The following LRAT variants were observed in gnomAD, a reference collection of about 807,000 sequenced individuals.
LRAT encodes lecithin retinol acyltransferase (phosphatidylcholine--retinol O-acyltransferase).
LRAT carries 11 observed loss-of-function variants against 14.2 expected under a neutral mutation model. The ratio of observed to expected loss-of-function variants is 0.78; its 90% CI spans 0.49 to 1.29. The LOEUF (loss-of-function observed/expected upper bound fraction) is 1.29, where lower values mean the gene tolerates loss of function less well. Ranked by LOEUF, LRAT falls within the 50% of genes most tolerant of loss-of-function variation. The pLI is 0.00. For missense variants in LRAT, 274 were observed against 292.4 expected (o/e 0.94, Z 0.46); for synonymous variants, 144 against 124.8 (o/e 1.15, Z -1.03).
chr4:154,741,190 C>T (rs1578857671), upstream of LRAT, among the ~76,000 whole-genome samples: 1 of 116,876 alleles, frequency 8.6e-6, no homozygotes, highest in Non-Finnish European at 1.7e-5. Context: ...TGGTCCTTGA[C>T]GAAGGGGGGT....
intron 2 of LRAT, among the ~76,000 whole-genome samples, chr4:154,747,780 C>T (rs926297932): frequency 2.0e-5 from 3 of 152,116 alleles, no homozygotes; most frequent in African/African-American, 7.2e-5. Context: ...AAATAGTATA[C>T]TTCTCAATGC....
In LRAT at chr4:154,744,175, T is replaced by G. The variant is rs1732826039; in HGVS notation, c.-49T>G. 2 of 766,160 alleles carry G rather than the reference T, an allele frequency of 2.6e-6. No individual in the cohort carries two copies. The highest frequency in any genetic ancestry group is 4.2e-5 in the Admixed American group (2 of 47,202). 47.5% of individuals were successfully genotyped at this position (766,160 alleles called of 1,614,324 possible). A position where few individuals can be genotyped will look rare whatever the true frequency, so the allele number is the denominator to read the frequency against. On this transcript the variant is annotated 5_prime_UTR_variant, in exon 1 of 3. Transcript: ENST00000336356. ...GCCTCGCTGTCCTCCTTTGCCTTCCTCTCTCCTCAGCGGCCGTACTTTGCG... is the reference window on the plus strand; with the variant it reads ...GCCTCGCTGTCCTCCTTTGCCTTCCGCTCTCCTCAGCGGCCGTACTTTGCG...
chr4:154,746,638 A>G (rs1163575885), intron 2 of LRAT, among the ~76,000 whole-genome samples: 2 of 152,242 alleles, frequency 1.3e-5, no homozygotes, highest in Non-Finnish European at 2.9e-5. Context: ...AAGGAAAAAC[A>G]GTATTTCTAT....
rs1412183984 is a variant in LRAT, at chr4:154,744,612, C to A, written c.286C>A (p.Arg96Ser). The A allele has an allele frequency of 1.2e-6, 2 of 1,614,206 alleles. No homozygotes were observed. Among genetic ancestry groups the A allele is most frequent in the African/African-American group, 2.7e-5 (2 of 75,058 alleles). Residue 96 changes from arginine to serine, a missense_variant, in exon 2 of 3, where the codon CGT becomes AGT. By Grantham distance (110) the Arg-to-Ser change is moderately radical. Transcript: ENST00000336356. The stretch of plus-strand genomic sequence containing the variant: ...CACGCAGAAGGTGGTCTCCAACAAG[C>A]GTCTCATCCTGGGCGTTATTGTCAA... ...GRTQKVVSNKRLILGVIVKVA... is the reference protein window; with the variant it reads ...GRTQKVVSNKSLILGVIVKVA...
In LRAT at chr4:154,744,068, C is replaced by T; in HGVS notation, c.-156C>T. 3.7e-6 allele frequency: 2 copies of T among 541,342 alleles called. No homozygotes were observed. The highest frequency in any genetic ancestry group is 6.7e-6 in the Non-Finnish European group (2 of 298,954). 33.5% of individuals were successfully genotyped at this position (541,342 alleles called of 1,614,324 possible). Reference sequence around the variant, plus strand: ...GCTCCTTCTCCGGCTGCTTGTAGCACTGGTCTCACTGTCCCCGCCGTCAGC... The same window carrying T: ...GCTCCTTCTCCGGCTGCTTGTAGCATTGGTCTCACTGTCCCCGCCGTCAGC... On this transcript the variant is annotated 5_prime_UTR_variant, in exon 1 of 3. Coordinates refer to ENST00000336356, the MANE Select transcript of LRAT (RefSeq NM_004744.5).
rs1732832362 is a variant in LRAT, at chr4:154,744,388, A to G, written c.62A>G (p.Asn21Ser). The G allele has an allele frequency of 1.9e-6, 3 of 1,614,000 alleles. No homozygotes were observed. The highest frequency in any genetic ancestry group is 1.7e-5 in the Admixed American group (1 of 60,012). The change falls in exon 2 of 3, where the codon AAC becomes AGC. Residue 21 changes from asparagine to serine, a missense_variant. By Grantham distance (46) the Asn-to-Ser change is conservative. Coordinates refer to ENST00000336356, the MANE Select transcript of LRAT (RefSeq NM_004744.5). ...CTGGAGAAGCTGCTCCTCATCTCCA[A>G]CTTCACGCTCTTTAGTTCGGGCGCC... ...LLLEKLLLISNFTLFSSGAAG... is the reference protein window; with the variant it reads ...LLLEKLLLISSFTLFSSGAAG...
chr4:154,741,209 GGGA>G (rs1732763445), upstream of LRAT, among the ~76,000 whole-genome samples: 2 of 125,544 alleles, frequency 1.6e-5, no homozygotes, highest in Admixed American at 8.9e-5. Context: ...GTCGGGGGCG[GGGA>G]GAAGTCCAGC....
In LRAT at chr4:154,751,759, AAAAAAG is replaced by A. The variant is rs1732999758; in HGVS notation, c.*2626_*2631del. The A allele has an allele frequency of 6.6e-6, 1 of 150,564 alleles. No individual in the cohort carries two copies. Among genetic ancestry groups the A allele is most frequent in the African/African-American group, 2.4e-5 (1 of 40,948 alleles). The allele number at this position is 150,564 out of a possible 1,614,324, so 9.3% of individuals were successfully genotyped here. A position where few individuals can be genotyped will look rare whatever the true frequency, so the allele number is the denominator to read the frequency against. ...AAAAAAAAAAAAAAAAAAAAAAAAAAAAAAAGAAGAAGAAACCCTGAGCCATTAATG... is the reference window on the plus strand; with the variant it reads ...AAAAAAAAAAAAAAAAAAAAAAAAAAAAGAAGAAACCCTGAGCCATTAATG... On this transcript the variant is annotated 3_prime_UTR_variant, in exon 3 of 3. Coordinates refer to ENST00000336356, the MANE Select transcript of LRAT (RefSeq NM_004744.5).
At position 154,748,859 on chromosome 4, in the gene LRAT, A is replaced by G. The variant is rs1732931675; in HGVS notation, c.541-125A>G. ...AACATTGTAAATTTTTTTGTAAGTC[A>G]TAAGAAAAAGTCTAGTTCTTCTGGT... On this transcript the variant is annotated intron_variant, in intron 2 of 2. Transcript: ENST00000336356. 7 of 898,066 alleles carry G rather than the reference A, an allele frequency of 7.8e-6. No individual in the cohort carries two copies. The South Asian group carries it at 8.9e-5, about 11-fold the overall frequency. The allele number at this position is 898,066 out of a possible 1,614,324, so 55.6% of individuals were successfully genotyped here.
upstream of LRAT, among the ~76,000 whole-genome samples, chr4:154,741,436 A>C (rs1357013464): frequency 1.3e-5 from 2 of 152,208 alleles, no homozygotes; most frequent in Non-Finnish European, 2.9e-5. Context: ...CACTGAGCAA[A>C]ATAAATCACT....
chr4:154,746,422 T>C (rs1178654089), intron 2 of LRAT, among the ~76,000 whole-genome samples: 3 of 152,202 alleles, frequency 2.0e-5, no homozygotes, highest in Non-Finnish European at 4.4e-5. Context: ...TTATAGATTT[T>C]ATAGAGCCAC....
chr4:154,743,084 C>T (rs1311446015), upstream of LRAT, among the ~76,000 whole-genome samples: 2 of 148,586 alleles, frequency 1.3e-5, no homozygotes, highest in Non-Finnish European at 3.0e-5. Context: ...GTTCAAATCA[C>T]CGGCGCGCAG....
chr4:154,742,230 T>TA (rs900294991), upstream of LRAT, among the ~76,000 whole-genome samples: 3 of 152,002 alleles, frequency 2.0e-5, no homozygotes, highest in Non-Finnish European at 4.4e-5. Context: ...ACTGGGAAAA[T>TA]AAAAAAATCT....
At position 154,749,186 on chromosome 4, in the gene LRAT, A is replaced by T; in HGVS notation, c.*50A>T. 6.4e-7 allele frequency: 1 copy of T among 1,557,156 alleles called. No homozygotes were observed. The highest frequency in any genetic ancestry group is 8.9e-7 in the Non-Finnish European group (1 of 1,128,774). On this transcript the variant is annotated 3_prime_UTR_variant, in exon 3 of 3. Transcript: ENST00000336356. Reference sequence around the variant, plus strand: ...GTATTCTGTATGTAAATATGTTTATATTTATAGAGCATCAATCAATATAAG... The same window carrying T: ...GTATTCTGTATGTAAATATGTTTATTTTTATAGAGCATCAATCAATATAAG...
upstream of LRAT, among the ~76,000 whole-genome samples, chr4:154,743,124 A>ACC (rs1732798949): frequency 1.7e-3 from 15 of 8,806 alleles, no homozygotes; most frequent in Non-Finnish European, 2.4e-3. Context: ...CGACCCCCCC[A>ACC]ACCCCCCCCC....
In LRAT at chr4:154,749,919, G is replaced by A. The variant is rs1318793785; in HGVS notation, c.*783G>A. 1 of 152,090 alleles carries A rather than the reference G, an allele frequency of 6.6e-6. No individual in the cohort carries two copies. Among genetic ancestry groups the A allele is most frequent in the Admixed American group, 6.5e-5 (1 of 15,276 alleles). The allele number at this position is 152,090 out of a possible 1,614,324, so 9.4% of individuals were successfully genotyped here. ...TAGGATTGAAGTTATGTGGGTATTT[G>A]GCATGTGTGTGTGAAATAAATATGT... On this transcript the variant is annotated 3_prime_UTR_variant, in exon 3 of 3. Transcript: ENST00000336356.
rs1732826304 is a variant in LRAT, at chr4:154,744,181, C to T, written c.-43C>T. On this transcript the variant is annotated 5_prime_UTR_variant, in exon 1 of 3. Coordinates refer to ENST00000336356, the MANE Select transcript of LRAT (RefSeq NM_004744.5). ...CTGTCCTCCTTTGCCTTCCTCTCTC[C>T]TCAGCGGCCGTACTTTGCGCCGTAC... The T allele has an allele frequency of 8.6e-6, 7 of 814,264 alleles. No homozygotes were observed. The highest frequency in any genetic ancestry group is 1.7e-5 in the African/African-American group (1 of 59,330). 50.4% of individuals were successfully genotyped at this position (814,264 alleles called of 1,614,324 possible).
rs1005262794 is a variant in LRAT, at chr4:154,751,983, T to C, written c.*2847T>C. 1 of 152,184 alleles carries C rather than the reference T, an allele frequency of 6.6e-6. No homozygotes were observed. Among genetic ancestry groups the C allele is most frequent in the African/African-American group, 2.4e-5 (1 of 41,440 alleles). The allele number at this position is 152,184 out of a possible 1,614,324, so 9.4% of individuals were successfully genotyped here. A position where few individuals can be genotyped will look rare whatever the true frequency, so the allele number is the denominator to read the frequency against. ...CAGATGAAAGAAGAATAGGACTAATTGGGGCTAAGATGAATTAATGTAAGT... is the reference window on the plus strand; with the variant it reads ...CAGATGAAAGAAGAATAGGACTAATCGGGGCTAAGATGAATTAATGTAAGT... On this transcript the variant is annotated 3_prime_UTR_variant, in exon 3 of 3. Transcript: ENST00000336356.
chr4:154,747,040 A>G (rs993585631), intron 2 of LRAT, among the ~76,000 whole-genome samples: 1 of 152,204 alleles, frequency 6.6e-6, no homozygotes, highest in Non-Finnish European at 1.5e-5. Flanking sequence ...TCTACTTTTT[A>G]GAAACATAAG....
Sources: allele counts gnomAD v4.1 joint callset (sites outside exome capture counted in the v4.1 genomes callset), GRCh38; gene constraint gnomAD v4.1.1; transcripts MANE v1.5; gene names NCBI Gene and HGNC (gene_info 2026-07-23, HGNC 2026-07-21).